The following MEN1 variants were observed in gnomAD, a reference collection of about 807,000 sequenced individuals.
The protein encoded by MEN1 is menin 1.
MEN1 carries 6 observed loss-of-function variants against 58.0 expected under a neutral mutation model. The observed-to-expected ratio is 0.10, with a 90% CI of 0.06 to 0.20. The LOEUF is 0.20. MEN1 is among the 10% of genes least tolerant of loss of function. The pLI is 1.00. For missense variants in MEN1, 492 were observed against 818.5 expected, an observed-to-expected ratio of 0.60 and a Z score of 4.87; for synonymous variants, 346 against 350.7, an observed-to-expected ratio of 0.99 and a Z score of 0.15.
In MEN1 at chr11:64,804,508, G is replaced by A. The variant is rs1299138529; in HGVS notation, c.1659C>T (p.Phe553=). Residue 553 remains phenylalanine (F), a synonymous_variant, in exon 10 of 10, where the codon TTC becomes TTT. Coordinates refer to ENST00000450708, the MANE Select transcript of MEN1 (RefSeq NM_001370259.2). This position sits in a 1 kb window ranked among gnomAD's most constrained non-coding sequence, Gnocchi z 4.2. ...TCATGCCCTTCATCTTCTCACTCTG[G>A]AAAGTGAGCACTGGACCCTCCGGCG... ...SPPPEGPVLT[F]QSEKMKGMKE... is the part of the protein sequence containing the mutation. 1 of 1,614,086 alleles carries A rather than the reference G, an allele frequency of 6.2e-7. No individual in the cohort carries two copies. Among genetic ancestry groups the A allele is most frequent in the Non-Finnish European group, 8.5e-7 (1 of 1,179,974 alleles).
At position 64,807,629 on chromosome 11, in the gene MEN1, C is replaced by A. The variant is rs2136141961; in HGVS notation, c.706G>T (p.Val236Leu). The change falls in exon 4 of 10, where the codon GTG becomes TTG. Residue 236 changes from valine to leucine, a missense_variant. This residue lies in a region of MEN1 where 335 missense variants were observed against 550.3 expected (regional missense o/e 0.61). Transcript: ENST00000450708. The surrounding 1 kb of genome is among the most constrained non-coding windows in gnomAD (Gnocchi z 4.9). ...TTGATGGCACACACCATGAACGCCA[C>A]CTCCATCTTGCGGTCACAGCGCATG... The part of the protein sequence containing the change: ...SYMRCDRKME[V>L]AFMVCAINPS... The A allele has an allele frequency of 6.2e-7, 1 of 1,614,218 alleles. No homozygotes were observed. Among genetic ancestry groups the A allele is most frequent in the Non-Finnish European group, 8.5e-7 (1 of 1,180,036 alleles).
chr11:64,807,759 G>A lies in MEN1; in HGVS notation c.655-79C>T, dbSNP rs906086809. The A allele has an allele frequency of 7.4e-6, 12 of 1,611,514 alleles. No individual in the cohort carries two copies. The highest frequency in any genetic ancestry group is 1.0e-5 in the Non-Finnish European group (12 of 1,178,344). On this transcript the variant is annotated intron_variant, in intron 3 of 9. Coordinates refer to ENST00000450708, the MANE Select transcript of MEN1 (RefSeq NM_001370259.2). The surrounding 1 kb of genome is among the most constrained non-coding windows in gnomAD (Gnocchi z 4.9). ...TCAGGGAATGACAGCCAGGAAAAGGGGCTCTTCTGTCTTCCCTTCCTATGT... is the reference window on the plus strand; with the variant it reads ...TCAGGGAATGACAGCCAGGAAAAGGAGCTCTTCTGTCTTCCCTTCCTATGT...
At chr11:64,810,351 C>G (rs1781543328) in intron 1 of MEN1, 163 bp downstream of exon 1, 1 of 570,802 alleles carries the variant, frequency 1.8e-6, no homozygotes, top group Non-Finnish European at 3.1e-6. Context: ...ACGCCCGGTA[C>G]CCGATGGGGT....
intron 1 of MEN1, 32 bp downstream of exon 1, chr11:64,810,482 G>A: frequency 3.9e-6 from 1 of 253,790 alleles, no homozygotes. Flanking sequence ...CAAACCCCAA[G>A]GAGAGTCCTG....
In MEN1 at chr11:64,804,628, T is replaced by A. The variant is rs1941530792; in HGVS notation, c.1539A>T (p.Gly513=). 2 of 1,605,994 alleles carry A rather than the reference T, an allele frequency of 1.2e-6. No homozygotes were observed. Among genetic ancestry groups the A allele is most frequent in the Non-Finnish European group, 1.7e-6 (2 of 1,178,016 alleles). The change falls in exon 10 of 10, where the codon GGA becomes GGT. Residue 513 remains glycine, a synonymous_variant. Coordinates refer to ENST00000450708, the MANE Select transcript of MEN1 (RefSeq NM_001370259.2). The surrounding 1 kb of genome is among the most constrained non-coding windows in gnomAD (Gnocchi z 4.2). ...GLGTGQGAVS[G]PPRKPPGTVA... is the part of the protein sequence containing the mutation. ...CAGTCCCAGGAGGCTTCCGGGGGGG[T>A]CCTGACACTGCACCCTGGCCGGTGC... is the stretch of plus-strand genomic sequence containing the variant.
chr11:64,808,316 G>A (rs1003921769), intron 2 of MEN1, among the ~76,000 whole-genome samples: 11 of 152,086 alleles, frequency 7.2e-5, no homozygotes, highest in African/African-American at 2.7e-4. Flanking sequence ...TACCTTTCTG[G>A]ATATCCTGTA....
At position 64,804,603 on chromosome 11, in the gene MEN1, C is replaced by G. The variant is rs1060499983; in HGVS notation, c.1564G>C (p.Val522Leu). ...TCAGGGCCTCGGGCTGTGCCAGCGA[C>G]AGTCCCAGGAGGCTTCCGGGGGGGT... is the stretch of plus-strand genomic sequence containing the variant. ...SGPPRKPPGTVAGTARGPEGG... is the reference protein window; with the variant it reads ...SGPPRKPPGTLAGTARGPEGG... Residue 522 changes from valine to leucine, a missense_variant, in exon 10 of 10, where the codon GTC becomes CTC. This residue lies in a region of MEN1 where 79 missense variants were observed against 82.5 expected (regional missense o/e 0.96). Coordinates refer to ENST00000450708, the MANE Select transcript of MEN1 (RefSeq NM_001370259.2). This position sits in a 1 kb window ranked among gnomAD's most constrained non-coding sequence, Gnocchi z 4.2. The G allele has an allele frequency of 2.5e-6, 4 of 1,611,004 alleles. No homozygotes were observed. Among genetic ancestry groups the G allele is most frequent in the Non-Finnish European group, 2.5e-6 (3 of 1,179,678 alleles).
In MEN1 at chr11:64,807,775, C is replaced by G; in HGVS notation, c.655-95G>C. On this transcript the variant is annotated intron_variant, in intron 3 of 9. Transcript: ENST00000450708. This position sits in a 1 kb window ranked among gnomAD's most constrained non-coding sequence, Gnocchi z 4.9. ...AGGAAAAGGGGCTCTTCTGTCTTCC[C>G]TTCCTATGTGGGTGGTGATGGGAAG... The G allele has an allele frequency of 6.2e-7, 1 of 1,610,062 alleles. No individual in the cohort carries two copies. The highest frequency in any genetic ancestry group is 8.5e-7 in the Non-Finnish European group (1 of 1,177,204).
At position 64,804,646 on chromosome 11, in the gene MEN1, G is replaced by T. The variant is rs1407833502; in HGVS notation, c.1521C>A (p.Gly507=). 1 of 1,601,970 alleles carries T rather than the reference G, an allele frequency of 6.2e-7. No individual in the cohort carries two copies. Among genetic ancestry groups the T allele is most frequent in the East Asian group, 2.2e-5 (1 of 44,632 alleles). ...KPALDKGLGT[G]QGAVSGPPRK... ...GGGGGGGTCCTGACACTGCACCCTG[G>T]CCGGTGCCCAGGCCCTTGTCCAGTG... Residue 507 remains glycine, a synonymous_variant, in exon 10 of 10, where the codon GGC becomes GGA. Transcript: ENST00000450708. This position sits in a 1 kb window ranked among gnomAD's most constrained non-coding sequence, Gnocchi z 4.2.
At position 64,807,924 on chromosome 11, in the gene MEN1, C is replaced by T. The variant is rs779966911; in HGVS notation, c.621G>A (p.Arg207=). 2.5e-6 allele frequency: 4 copies of T among 1,613,972 alleles called. No individual in the cohort carries two copies. The highest frequency in any genetic ancestry group is 3.4e-6 in the Non-Finnish European group (4 of 1,180,000). ...CCACACCGGCATTGACTGTCTGGCC[C>T]CTGCGGTCCTCGTTGCCCTTGCCGT... The part of the protein sequence containing the change: ...TWHGKGNEDR[R]GQTVNAGVAE... Residue 207 remains arginine (R), a synonymous_variant, in exon 3 of 10, where the codon AGG becomes AGA. Coordinates refer to ENST00000450708, the MANE Select transcript of MEN1 (RefSeq NM_001370259.2). The surrounding 1 kb of genome is among the most constrained non-coding windows in gnomAD (Gnocchi z 4.9).
intron 7 of MEN1, 172 bp from the exon 8 acceptor site, chr11:64,805,942 G>T (rs1274457981): frequency 8.3e-6 from 6 of 718,786 alleles, no homozygotes; most frequent in East Asian, 7.5e-5. Flanking sequence ...AATGAGGAGG[G>T]GGGCATGGGG....
intron 7 of MEN1, chr11:64,806,030 T>G (rs1592642162): frequency 1.5e-6 from 1 of 686,314 alleles, no homozygotes; most frequent in South Asian, 1.9e-5. Flanking sequence ...AAAAAAAAAT[T>G]AGGAGGAGAG....
In MEN1 at chr11:64,807,954, G is replaced by C. The variant is rs527294715; in HGVS notation, c.591C>G (p.Thr197=). ...GGTCCTCGTTGCCCTTGCCGTGCCA[G>C]GTGACCTCAGCTGTCTGCTCCCCAT... The part of the protein sequence containing the change: ...GPNGEQTAEV[T]WHGKGNEDRR... Residue 197 remains threonine (T), a synonymous_variant, in exon 3 of 10, where the codon ACC becomes ACG. Transcript: ENST00000450708. This position sits in a 1 kb window ranked among gnomAD's most constrained non-coding sequence, Gnocchi z 4.9. 1.4e-4 allele frequency: 228 copies of C among 1,614,184 alleles called. 1 individual carries two copies. In the South Asian group the frequency reaches 2.3e-3, roughly 16 times the overall value.
At chr11:64,806,087 T>C in intron 7 of MEN1, 145 bp downstream of exon 7, 1 of 1,044,674 alleles carries the variant, frequency 9.6e-7, no homozygotes, top group South Asian at 1.4e-5. Context: ...CCCTACCTCC[T>C]GGGTAATGGT....
rs1178628764 is a variant in MEN1, at chr11:64,804,478, C to T, written c.1689G>A (p.Glu563=). ...AGTTGATCTTGGTGGCCACCAGCAGCTCCTTCATGCCCTTCATCTTCTCAC... is the reference window on the plus strand; with the variant it reads ...AGTTGATCTTGGTGGCCACCAGCAGTTCCTTCATGCCCTTCATCTTCTCAC... ...FQSEKMKGMK[E]LLVATKINSS... The change falls in exon 10 of 10, where the codon GAG becomes GAA. Residue 563 remains glutamate, a synonymous_variant. Coordinates refer to ENST00000450708, the MANE Select transcript of MEN1 (RefSeq NM_001370259.2). The surrounding 1 kb of genome is among the most constrained non-coding windows in gnomAD (Gnocchi z 4.2). 2 of 1,614,020 alleles carry T rather than the reference C, an allele frequency of 1.2e-6. No individual in the cohort carries two copies. The highest frequency in any genetic ancestry group is 1.7e-5 in the Admixed American group (1 of 60,018).
chr11:64,808,369 C>G (rs1239861140), intron 2 of MEN1, among the ~76,000 whole-genome samples: 1 of 152,206 alleles, frequency 6.6e-6, no homozygotes, highest in Non-Finnish European at 1.5e-5. Context: ...CTCTGCAACT[C>G]TATTATATAT....
At chr11:64,806,188 G>A (rs1941709554) in intron 7 of MEN1, 44 bp downstream of exon 7, 4 of 1,612,072 alleles carry the variant, frequency 2.5e-6, no homozygotes, top group Admixed American at 1.7e-5. Context: ...ACTGATGGAG[G>A]GGAAGAAAGG....
chr11:64,810,164 G>T, intron 1 of MEN1, 32 bp from the exon 2 acceptor site: 1 of 727,294 alleles, frequency 1.4e-6, no homozygotes, highest in Non-Finnish European at 2.2e-6. Context: ...GGAGGGTCGG[G>T]CAGGTTCGGC....
intron 7 of MEN1, 168 bp downstream of exon 7, chr11:64,806,064 C>T: frequency 1.2e-6 from 1 of 835,738 alleles, no homozygotes; most frequent in Non-Finnish European, 1.9e-6. Context: ...AGATGTGACA[C>T]CTTAATCAGG....
Sources: allele counts gnomAD v4.1 joint callset (sites outside exome capture counted in the v4.1 genomes callset), GRCh38; gene constraint gnomAD v4.1.1; regional missense constraint gnomAD v4.1.1; non-coding constraint Gnocchi (gnomAD v3.1); transcripts MANE v1.5; gene names NCBI Gene and HGNC (gene_info 2026-07-23, HGNC 2026-07-21).